TRAPPC9: variants seen among roughly 807,000 people sequenced by gnomAD.
TRAPPC9 encodes IKK2 binding protein.
TRAPPC9 carries 83 observed loss-of-function variants against 124.0 expected under a neutral mutation model. The observed-to-expected ratio is 0.67, with a 90% confidence interval of 0.56 to 0.80. The LOEUF (loss-of-function observed/expected upper bound fraction) is 0.80. Among genes scored for constraint, TRAPPC9 ranks in the 30% least tolerant of loss-of-function variants. The pLI is 0.00. For missense variants in TRAPPC9, 1,302 were observed against 1,508.3 expected, an observed-to-expected ratio of 0.86 and a Z score of 2.27; for synonymous variants, 638 against 617.5, an observed-to-expected ratio of 1.03 and a Z score of -0.49.
At chr8:140,334,245 A>G (rs373548633) in intron 9 of TRAPPC9, among the ~76,000 whole-genome samples, 1 of 152,190 alleles carries the variant, frequency 6.6e-6, no homozygotes, top group East Asian at 1.9e-4. Flanking sequence ...GCTCAACTGG[A>G]GTCCCACATC....
intron 17 of TRAPPC9, among the ~76,000 whole-genome samples, chr8:140,080,099 A>T (rs751200029): frequency 6.6e-6 from 1 of 152,214 alleles, no homozygotes; most frequent in Non-Finnish European, 1.5e-5. Flanking sequence ...AAAGGCCAAG[A>T]TTCCCAAGAA....
At chr8:139,796,770 TAGA>T (rs1443188561) in intron 21 of TRAPPC9, among the ~76,000 whole-genome samples, 1 of 152,360 alleles carries the variant, frequency 6.6e-6, no homozygotes, top group South Asian at 2.1e-4. Flanking sequence ...TATCCAGAAG[TAGA>T]AGTTCTGGGT....
At chr8:140,385,155 GA>G (rs2068719449) in intron 7 of TRAPPC9, among the ~76,000 whole-genome samples, 1 of 152,204 alleles carries the variant, frequency 6.6e-6, no homozygotes, top group Admixed American at 6.5e-5. Context: ...GAATCTCTGG[GA>G]CACATTCAAA....
chr8:140,036,713 A>C (rs1269996351), intron 17 of TRAPPC9, among the ~76,000 whole-genome samples: 1 of 152,210 alleles, frequency 6.6e-6, no homozygotes, highest in Non-Finnish European at 1.5e-5. Context: ...AACTCAGAGC[A>C]GGGAGCCCAT....
intron 17 of TRAPPC9, among the ~76,000 whole-genome samples, chr8:140,155,841 C>T (rs1031763613): frequency 1.2e-4 from 19 of 152,202 alleles, no homozygotes; most frequent in African/African-American, 4.3e-4. Context: ...GATATCATCT[C>T]TCTTTTTCAA....
chr8:140,394,079 C>G (rs562443775), intron 7 of TRAPPC9, among the ~76,000 whole-genome samples: 2 of 152,224 alleles, frequency 1.3e-5, no homozygotes, highest in Non-Finnish European at 2.9e-5. Flanking sequence ...AAAATGTCCT[C>G]ACATTTTAAG....
intron 19 of TRAPPC9, among the ~76,000 whole-genome samples, chr8:139,927,207 C>A (rs1425068525): frequency 6.6e-6 from 1 of 152,126 alleles, no homozygotes; most frequent in Non-Finnish European, 1.5e-5. Context: ...CTCTCACACA[C>A]TGCTGATGGG....
rs1818604539 is a variant in TRAPPC9 at position 139,742,165 on chromosome 8, T to C, written c.3056-9963A>G. ...GGAGAGGCCTGACTGCTCCACGCCT[T>C]CTATGGCACTGTGGTTGCCTGGCTC... On this transcript the variant is annotated intron_variant, in intron 21 of 22. Transcript: ENST00000438773. This position sits in a 1 kb window ranked among gnomAD's most constrained non-coding sequence, Gnocchi z 4.7. Among the ~76,000 whole-genome samples, 1 of 152,208 alleles carries C rather than the reference T, an allele frequency of 6.6e-6. No individual in the cohort carries two copies. The highest frequency in any genetic ancestry group is 1.5e-5 in the Non-Finnish European group (1 of 68,042).
At chr8:139,849,308 C>T (rs1177675068) in intron 21 of TRAPPC9, among the ~76,000 whole-genome samples, 1 of 152,212 alleles carries the variant, frequency 6.6e-6, no homozygotes, top group Non-Finnish European at 1.5e-5. Flanking sequence ...CCTGTTGACA[C>T]CAAGCATCTC....
At chr8:140,113,967 C>G (rs1172345966) in intron 17 of TRAPPC9, among the ~76,000 whole-genome samples, 1 of 152,214 alleles carries the variant, frequency 6.6e-6, no homozygotes, top group Non-Finnish European at 1.5e-5. Flanking sequence ...GAACTTCTGG[C>G]TCATTTATGT....
intron 17 of TRAPPC9, among the ~76,000 whole-genome samples, chr8:140,200,234 A>G (rs1295570568): frequency 6.6e-6 from 1 of 152,232 alleles, no homozygotes; most frequent in Non-Finnish European, 1.5e-5. Flanking sequence ...AGAGATGTGT[A>G]GATGCATAGG....
intron 17 of TRAPPC9, among the ~76,000 whole-genome samples, chr8:140,148,657 CT>C (rs1396272247): frequency 1.3e-5 from 2 of 152,188 alleles, no homozygotes; most frequent in Non-Finnish European, 2.9e-5. Context: ...GAGCTTCCCC[CT>C]AGAAAGCTTT....
At chr8:139,876,839 T>C (rs907084256) in intron 21 of TRAPPC9, among the ~76,000 whole-genome samples, 1 of 152,328 alleles carries the variant, frequency 6.6e-6, no homozygotes, top group East Asian at 1.9e-4. Flanking sequence ...CTTCTAGGCC[T>C]TTGTATCTGC....
intron 21 of TRAPPC9, among the ~76,000 whole-genome samples, chr8:139,876,600 T>C (rs532401070): frequency 6.6e-6 from 1 of 152,132 alleles, no homozygotes; most frequent in African/African-American, 2.4e-5. Context: ...GGGATTGAGT[T>C]TATTTTTGGG....
chr8:140,141,265 T>C (rs1231404524), intron 17 of TRAPPC9, among the ~76,000 whole-genome samples: 1 of 152,218 alleles, frequency 6.6e-6, no homozygotes, highest in Admixed American at 6.5e-5. Flanking sequence ...TTGTAAGTTT[T>C]GGATTGAGTG....
intron 20 of TRAPPC9, among the ~76,000 whole-genome samples, chr8:139,892,255 T>C (rs1327067065): frequency 6.6e-6 from 1 of 152,186 alleles, no homozygotes; most frequent in Non-Finnish European, 1.5e-5. Context: ...CCCCATGTAG[T>C]ACCCAAGGGA....
intron 5 of TRAPPC9, 21 bp from the exon 6 acceptor site, chr8:140,405,719 A>G: frequency 6.2e-7 from 1 of 1,614,032 alleles, no homozygotes; most frequent in Middle Eastern, 1.6e-4. Flanking sequence ...AGAGGAAGAA[A>G]AGAAATAATC....
At chr8:139,812,631 T>C (rs1186284498) in intron 21 of TRAPPC9, among the ~76,000 whole-genome samples, 3 of 152,186 alleles carry the variant, frequency 2.0e-5, no homozygotes, top group Admixed American at 2.0e-4. Context: ...AAAAAACCTT[T>C]ACAGAAAACT....
chr8:139,818,215 T>C (rs1451405188), intron 21 of TRAPPC9, among the ~76,000 whole-genome samples: 1 of 152,164 alleles, frequency 6.6e-6, no homozygotes, highest in Non-Finnish European at 1.5e-5. Flanking sequence ...CTGGGCCCTG[T>C]GCAGTGATGA....
Sources: gnomAD v4.1 joint callset for allele counts (sites outside exome capture counted in the v4.1 genomes callset) on GRCh38, gnomAD v4.1.1 for gene constraint, Gnocchi (gnomAD v3.1) non-coding constraint, MANE v1.5 for transcripts, NCBI Gene and HGNC (gene_info 2026-07-23, HGNC 2026-07-21) for gene names.